Variants in SLC35F4 observed in about 807,000 individuals in gnomAD.
SLC35F4 encodes the protein chromosome 14 open reading frame 36.
A neutral mutation model predicts 44.2 loss-of-function variants in SLC35F4; 24 were observed. The ratio of observed to expected loss-of-function variants is 0.54; its 90% CI spans 0.39 to 0.76. The LOEUF (loss-of-function observed/expected upper bound fraction) is 0.76. Ranked by LOEUF, SLC35F4 falls within the 30% of genes least tolerant of loss-of-function variation. The pLI, the probability that SLC35F4 is intolerant of heterozygous loss-of-function variation, is 0.00. For missense variants in SLC35F4, 562 were observed against 586.1 expected (o/e 0.96, Z 0.42); for synonymous variants, 238 against 223.6 (o/e 1.06, Z -0.57).
At chr14:57,643,237 AC>A (rs1375709961) in intron 1 of SLC35F4, among the ~76,000 whole-genome samples, 1 of 152,014 alleles carries the variant, frequency 6.6e-6, no homozygotes, top group Non-Finnish European at 1.5e-5. Flanking sequence ...TTGTATTAAG[AC>A]TTGATATGAC....
At chr14:57,599,086 A>T (rs556751577) in intron 1 of SLC35F4, among the ~76,000 whole-genome samples, 1 of 152,352 alleles carries the variant, frequency 6.6e-6, no homozygotes, top group South Asian at 2.1e-4. Flanking sequence ...TGATTTCCTA[A>T]ATTCCCACAG....
chr14:57,738,638 C>A (rs1195978533), intron 1 of SLC35F4, among the ~76,000 whole-genome samples: 1 of 151,630 alleles, frequency 6.6e-6, no homozygotes, highest in African/African-American at 2.4e-5. Flanking sequence ...GCCAAATTAA[C>A]TTGCTTTTAT....
intron 1 of SLC35F4, among the ~76,000 whole-genome samples, chr14:57,855,950 A>T (rs1462494166): frequency 6.6e-6 from 1 of 152,136 alleles, no homozygotes; most frequent in African/African-American, 2.4e-5. Context: ...CAGAAAAACA[A>T]ACACCACATG....
chr14:57,878,116 T>A (rs550848169), intron 1 of SLC35F4, among the ~76,000 whole-genome samples: 61 of 152,340 alleles, frequency 4.0e-4, no homozygotes, highest in African/African-American at 1.3e-3. Flanking sequence ...ATGTATGTCT[T>A]CTTTTGAGAA....
Position 57,910,786 on chromosome 14 carries a change from A to T in SLC35F4, n.282+71127T>A, listed in dbSNP as rs572036971. On this transcript the variant is annotated intron_variant and non_coding_transcript_variant, in intron 1 of 1. Coordinates refer to the SLC35F4 transcript ENST00000556568. ...TCAGGCTCTCTTGCCTCTTCATATAAGCTTTAGAATCATCAATATCTATAA... is the reference window on the plus strand; with the variant it reads ...TCAGGCTCTCTTGCCTCTTCATATATGCTTTAGAATCATCAATATCTATAA... Among the ~76,000 whole-genome samples the T allele has an allele frequency of 7.9e-5, 12 of 152,152 alleles. No individual in the cohort carries two copies. In the South Asian group the frequency reaches 1.9e-3, roughly 24 times the overall value.
intron 1 of SLC35F4, among the ~76,000 whole-genome samples, chr14:57,937,635 GAAAAGAAAAGAA>G (rs1889837300): frequency 8.4e-6 from 1 of 119,570 alleles, no homozygotes; most frequent in Admixed American, 7.7e-5. Context: ...GAAAAGAAAA[GAAAAGAAAAGAA>G]AAGAAAAAAG....
Position 57,581,378 on chromosome 14 carries a change from T to C in SLC35F4, c.643A>G (p.Arg215Gly). The C allele has an allele frequency of 1.9e-6, 3 of 1,613,248 alleles. No homozygotes were observed. The highest frequency in any genetic ancestry group is 2.5e-6 in the Non-Finnish European group (3 of 1,179,604). Residue 215 changes from arginine to glycine, a missense_variant, in exon 4 of 8, where the codon AGA becomes GGA. Transcript: ENST00000556826. ...DGLTLKLFLKRTAPFSILWTL... is the reference protein window; with the variant it reads ...DGLTLKLFLKGTAPFSILWTL... ...CATAGAATAGAAAAGGGAGCAGTTC[T>C]TTTAAGAAAGAGTTTCAGCGTCAGA... is the stretch of plus-strand genomic sequence containing the variant.
chr14:57,785,905 A>T (rs1335586929), intron 1 of SLC35F4, among the ~76,000 whole-genome samples: 3 of 152,142 alleles, frequency 2.0e-5, no homozygotes, highest in Non-Finnish European at 2.9e-5. Context: ...TGAATGGGGC[A>T]AGAAGCCTCC....
intron 1 of SLC35F4, among the ~76,000 whole-genome samples, chr14:57,880,527 G>T (rs1222718271): frequency 5.9e-5 from 9 of 152,110 alleles, no homozygotes; most frequent in African/African-American, 9.7e-5. Flanking sequence ...TCTTGATTTG[G>T]AGGTACATTG....
chr14:57,853,354 C>A (rs1288692268), intron 1 of SLC35F4, among the ~76,000 whole-genome samples: 1 of 152,156 alleles, frequency 6.6e-6, no homozygotes, highest in Non-Finnish European at 1.5e-5. Flanking sequence ...TGATTGAAGC[C>A]TATAATTTGA....
chr14:57,784,212 T>C (rs2077700365), intron 1 of SLC35F4, among the ~76,000 whole-genome samples: 1 of 152,118 alleles, frequency 6.6e-6, no homozygotes, highest in Non-Finnish European at 1.5e-5. Context: ...AAACCAGTGC[T>C]AGAGAATGAG....
At chr14:57,757,468 AAGTG>A (rs2077020345) in intron 1 of SLC35F4, among the ~76,000 whole-genome samples, 1 of 152,118 alleles carries the variant, frequency 6.6e-6, no homozygotes, top group Admixed American at 6.5e-5. Context: ...CTTTTAGATG[AAGTG>A]AGTTTTTTAA....
intron 4 of SLC35F4, among the ~76,000 whole-genome samples, chr14:57,576,574 G>A (rs111326845): frequency 0.013 from 1,998 of 152,254 alleles, 48 homozygotes; most frequent in African/African-American, 0.046. Flanking sequence ...TATATTTAAG[G>A]TTCTATGGAA....
At chr14:57,732,178 A>AT (rs1566804303) in intron 1 of SLC35F4, among the ~76,000 whole-genome samples, 1 of 152,164 alleles carries the variant, frequency 6.6e-6, no homozygotes, top group African/African-American at 2.4e-5. Context: ...TTTGAGCTTT[A>AT]TTTTTTGAAA....
chr14:57,736,324 C>A (rs187982014), intron 1 of SLC35F4, among the ~76,000 whole-genome samples: 14 of 152,284 alleles, frequency 9.2e-5, no homozygotes, highest in African/African-American at 2.6e-4. Context: ...AGGGTTTTCT[C>A]CCCTCCACAG....
chr14:57,943,066 A>G (rs1889943583), intron 1 of SLC35F4, among the ~76,000 whole-genome samples: 1 of 152,180 alleles, frequency 6.6e-6, no homozygotes, highest in African/African-American at 2.4e-5. Context: ...TCATAACACT[A>G]TGTGAGCCCC....
chr14:57,634,674 T>C (rs1047540119), intron 1 of SLC35F4, among the ~76,000 whole-genome samples: 18 of 152,098 alleles, frequency 1.2e-4, no homozygotes, highest in African/African-American at 4.1e-4. Flanking sequence ...GGATTTTTTT[T>C]CCCCTAAGTA....
chr14:57,695,886 C>A (rs2075369080), intron 1 of SLC35F4, among the ~76,000 whole-genome samples: 1 of 152,054 alleles, frequency 6.6e-6, no homozygotes, highest in Non-Finnish European at 1.5e-5. Flanking sequence ...ATGGATGAAA[C>A]TGGAGACTTT....
intron 1 of SLC35F4, among the ~76,000 whole-genome samples, chr14:57,785,913 T>A (rs2077745475): frequency 6.6e-6 from 1 of 152,068 alleles, no homozygotes. Flanking sequence ...GCAAGAAGCC[T>A]CCTGGCCAGA....
Sources: gnomAD v4.1 joint callset for allele counts (sites outside exome capture counted in the v4.1 genomes callset) on GRCh38, gnomAD v4.1.1 for gene constraint, MANE v1.5 for transcripts, NCBI Gene and HGNC (gene_info 2026-07-23, HGNC 2026-07-21) for gene names.